Variants in TENT5D observed in about 807,000 individuals in gnomAD.
TENT5D encodes cancer/testis antigen 112.
For missense variants in TENT5D, 191 were observed against 287.0 expected, an observed-to-expected ratio of 0.67 and a Z score of 2.42; for synonymous variants, 103 against 100.6, an observed-to-expected ratio of 1.02 and a Z score of -0.15.
intron 3 of TENT5D, among the ~76,000 whole-genome samples, chrX:80,361,922 A>G (rs1930413516): frequency 9.0e-6 from 1 of 111,423 alleles, no homozygotes; most frequent in South Asian, 3.8e-4. Context: ...GGGATATGTG[A>G]TGCTGAGGTA....
At chrX:80,349,450 G>T (rs1304914583) in intron 3 of TENT5D, among the ~76,000 whole-genome samples, 4 of 111,658 alleles carry the variant, frequency 3.6e-5, no homozygotes, top group African/African-American at 3.3e-5. Flanking sequence ...TTGCATAGAG[G>T]TGTGTATAGT....
At chrX:80,360,632 T>G (rs1930388376) in intron 3 of TENT5D, among the ~76,000 whole-genome samples, 1 of 111,869 alleles carries the variant, frequency 8.9e-6, no homozygotes, top group Admixed American at 9.6e-5. Context: ...AGATTATTGT[T>G]GGCTACACAT....
chrX:80,339,868 T>TAGAG (rs1350470933), intron 2 of TENT5D, among the ~76,000 whole-genome samples: 77 of 104,044 alleles, frequency 7.4e-4, no homozygotes, highest in African/African-American at 2.8e-3. Flanking sequence ...TATATATATA[T>TAGAG]ATATAGAGAG....
In TENT5D at chrX:80,346,371, G is replaced by A. The variant is rs181873172; in HGVS notation, c.-142+3807G>A. On this transcript the variant is annotated intron_variant, in intron 3 of 4. Coordinates refer to the TENT5D transcript ENST00000538312. ...ACCAACAGCCAGGTGTGAGATTGCCGGGGCATGTGATAAGCGTGCTTAACT... is the reference window on the plus strand; with the variant it reads ...ACCAACAGCCAGGTGTGAGATTGCCAGGGCATGTGATAAGCGTGCTTAACT... 2.1e-3 allele frequency among the ~76,000 whole-genome samples: 238 copies of A among 111,998 alleles called. 2 individuals are homozygous for A. The highest frequency in any genetic ancestry group is 7.5e-3 in the African/African-American group (233 of 30,875).
chrX:80,348,232 C>T (rs1459131210), intron 3 of TENT5D, among the ~76,000 whole-genome samples: 1 of 111,543 alleles, frequency 9.0e-6, no homozygotes, highest in Non-Finnish European at 1.9e-5. Context: ...ATGGGGATAC[C>T]CTTGAATCTG....
chrX:80,350,158 T>G (rs1434585663), intron 3 of TENT5D, among the ~76,000 whole-genome samples: 2 of 111,715 alleles, frequency 1.8e-5, no homozygotes. Flanking sequence ...AGATGTCTAC[T>G]AGGTCTGCTT....
intron 3 of TENT5D, among the ~76,000 whole-genome samples, chrX:80,386,218 A>G (rs2147535019): frequency 8.9e-6 from 1 of 112,455 alleles, no homozygotes; most frequent in South Asian, 3.7e-4. Context: ...TGTGGCACAT[A>G]TACACCATGG....
At chrX:80,403,290 A>T in intron 3 of TENT5D, among the ~76,000 whole-genome samples, 1 of 112,395 alleles carries the variant, frequency 8.9e-6, no homozygotes, top group Middle Eastern at 4.6e-3. Flanking sequence ...TAAAAAAATG[A>T]ATCTTACACA....
chrX:80,404,722 C>T (rs1407136179), intron 3 of TENT5D, among the ~76,000 whole-genome samples: 1 of 112,134 alleles, frequency 8.9e-6, no homozygotes, highest in Non-Finnish European at 1.9e-5. Context: ...GCTTAAATTG[C>T]TGTCAGTGTT....
intron 2 of TENT5D, among the ~76,000 whole-genome samples, chrX:80,341,064 A>G (rs1174799036): frequency 9.0e-6 from 1 of 111,709 alleles, no homozygotes; most frequent in African/African-American, 3.3e-5. Flanking sequence ...ATATGAATCC[A>G]ATACTTTGAA....
chrX:80,337,019 T>C (rs1266640392), intron 2 of TENT5D, among the ~76,000 whole-genome samples: 1 of 112,074 alleles, frequency 8.9e-6, no homozygotes, highest in East Asian at 2.8e-4. Context: ...TTCTTAGATA[T>C]CTGATTTCTT....
chrX:80,443,448 T>C (rs1932326863), exon 3 of TENT5D: 1 of 1,209,750 alleles, frequency 8.3e-7, no homozygotes, highest in African/African-American at 1.7e-5. Flanking sequence ...TGACCTTGCA[T>C]GGAGTTGTGA....
chrX:80,370,465 A>G (rs1930603704), intron 3 of TENT5D, among the ~76,000 whole-genome samples: 1 of 112,114 alleles, frequency 8.9e-6, no homozygotes, highest in African/African-American at 3.2e-5. Context: ...ATTTTTCCCA[A>G]TAGTTTTCTA....
intron 1 of TENT5D, among the ~76,000 whole-genome samples, chrX:80,425,259 A>C (rs1307207257): frequency 8.9e-6 from 1 of 112,658 alleles, no homozygotes; most frequent in African/African-American, 3.2e-5. Flanking sequence ...CATGTTTTAC[A>C]TTTTGCTTTC....
At chrX:80,384,303 A>T (rs1376851454) in intron 3 of TENT5D, among the ~76,000 whole-genome samples, 2 of 91,007 alleles carry the variant, frequency 2.2e-5, no homozygotes, top group Non-Finnish European at 4.3e-5. Context: ...CCAGCATATA[A>T]ACAGAACCAA....
chrX:80,421,477 G>A (rs957217768), intron 1 of TENT5D, among the ~76,000 whole-genome samples: 6 of 112,254 alleles, frequency 5.3e-5, no homozygotes, highest in South Asian at 3.7e-4. Flanking sequence ...GTGAGCCACC[G>A]TGCCTGGCCT....
chrX:80,405,050 A>G (rs1931456540), intron 3 of TENT5D, among the ~76,000 whole-genome samples: 2 of 112,055 alleles, frequency 1.8e-5, no homozygotes, highest in South Asian at 7.5e-4. Context: ...TCAGGCCACA[A>G]GAAACAGAAC....
intron 3 of TENT5D, among the ~76,000 whole-genome samples, chrX:80,350,691 A>G (rs926495768): frequency 9.0e-6 from 1 of 111,626 alleles, no homozygotes; most frequent in Non-Finnish European, 1.9e-5. Flanking sequence ...TCCTGTCATC[A>G]TGATGCTAGC....
chrX:80,408,761 A>G (rs1931564185), intron 3 of TENT5D, among the ~76,000 whole-genome samples: 1 of 111,642 alleles, frequency 9.0e-6, no homozygotes, highest in Non-Finnish European at 1.9e-5. Context: ...GGCAAGCATC[A>G]TTCTGATACC....
Sources: allele counts gnomAD v4.1 joint callset (sites outside exome capture counted in the v4.1 genomes callset), GRCh38; gene constraint gnomAD v4.1.1; transcripts MANE v1.5; gene names NCBI Gene and HGNC (gene_info 2026-07-23, HGNC 2026-07-21).